Variants in DKC1 observed in about 807,000 individuals in gnomAD.
DKC1 encodes dyskerin pseudouridine synthase 1.
A neutral mutation model predicts 46.7 loss-of-function variants in DKC1; 4 were observed. That is an observed-to-expected ratio of 0.09 (90% CI 0.04 to 0.20). The LOEUF (loss-of-function observed/expected upper bound fraction) is 0.20, where lower values mean the gene tolerates loss of function less well. Among genes scored for constraint, DKC1 ranks in the 10% least tolerant of loss-of-function variants. The probability of loss-of-function intolerance (pLI) is 1.00; values close to 1 mark genes in which losing one functional copy is unlikely to be tolerated. For synonymous variants in DKC1, 141 were observed against 142.4 expected (o/e 0.99, Z 0.07); for missense variants, 171 against 404.2 (o/e 0.42, Z 4.95).
At chrX:154,763,195 G>C (rs1249467167) in intron 1 of DKC1, among the ~76,000 whole-genome samples, 1 of 112,044 alleles carries the variant, frequency 8.9e-6, no homozygotes, top group East Asian at 2.8e-4. Context: ...TGGCATGATG[G>C]GGCTCGGCCC....
chrX:154,768,443 C>G lies in DKC1; in HGVS notation c.771+11C>G. On this transcript the variant is annotated intron_variant, in intron 8 of 14. Transcript: ENST00000369550. ...GTCATGAGTGAAAAGGTATGTGTTACGGGGCTAGAAGTTTTAGAGCTGGTT... is the reference window on the plus strand; with the variant it reads ...GTCATGAGTGAAAAGGTATGTGTTAGGGGGCTAGAAGTTTTAGAGCTGGTT... 8.3e-7 allele frequency: 1 copy of G among 1,210,802 alleles called. No homozygotes were observed. Among genetic ancestry groups the G allele is most frequent in the Non-Finnish European group, 1.1e-6 (1 of 895,139 alleles).
chrX:154,768,194 T>C (rs1257080296), intron 7 of DKC1, 108 bp from the exon 8 acceptor site: 2 of 969,342 alleles, frequency 2.1e-6, no homozygotes, highest in African/African-American at 3.8e-5. Flanking sequence ...TTAAGAAGTG[T>C]GTCTGTCACC....
chrX:154,773,883 C>T (rs2071859044), intron 11 of DKC1, among the ~76,000 whole-genome samples: 1 of 111,782 alleles, frequency 8.9e-6, no homozygotes, highest in African/African-American at 3.3e-5. Context: ...GGCGGCCGGG[C>T]AGAGGCGCCC....
chrX:154,773,550 T>G (rs1462265671), intron 11 of DKC1, among the ~76,000 whole-genome samples: 2 of 108,927 alleles, frequency 1.8e-5, no homozygotes, highest in Non-Finnish European at 3.8e-5. Context: ...AAGCACATCT[T>G]GCACCGCCCT....
chrX:154,762,953 G>A lies in DKC1; in HGVS notation c.-13G>A. On this transcript the variant is annotated 5_prime_UTR_variant, in exon 1 of 15. Coordinates refer to ENST00000369550, the MANE Select transcript of DKC1 (RefSeq NM_001363.5). Reference sequence around the variant, plus strand: ...GCTGTGGACCGGGCGGCACGCACGCGGTGCAGGGTAACATGGCGGATGCGG... The same window carrying A: ...GCTGTGGACCGGGCGGCACGCACGCAGTGCAGGGTAACATGGCGGATGCGG... The A allele has an allele frequency of 1.7e-6, 2 of 1,182,073 alleles. No homozygotes were observed. Among genetic ancestry groups the A allele is most frequent in the East Asian group, 3.1e-5 (1 of 32,086 alleles).
At chrX:154,768,026 A>G (rs935712078) in intron 7 of DKC1, 1 of 296,938 alleles carries the variant, frequency 3.4e-6, no homozygotes, top group Non-Finnish European at 6.1e-6. Flanking sequence ...AATTTTTTGT[A>G]CATTTAGTAG....
intron 9 of DKC1, among the ~76,000 whole-genome samples, chrX:154,769,581 CAGG>C (rs2071795510): frequency 9.0e-6 from 1 of 111,426 alleles, no homozygotes; most frequent in Admixed American, 9.5e-5. Flanking sequence ...AGCTTGAGCC[CAGG>C]AGATCAAGGC....
At chrX:154,771,216 G>T (rs1250038411) in intron 10 of DKC1, among the ~76,000 whole-genome samples, 4 of 76,356 alleles carry the variant, frequency 5.2e-5, no homozygotes, top group African/African-American at 2.2e-4. Flanking sequence ...TTTTGAGACA[G>T]TCTTGCTCTT....
In DKC1 at chrX:154,769,279, C is replaced by T. The variant is rs2071791712; in HGVS notation, c.884C>T (p.Ser295Phe). 1 of 1,211,688 alleles carries T rather than the reference C, an allele frequency of 8.3e-7. No individual in the cohort carries two copies. Among genetic ancestry groups the T allele is most frequent in the African/African-American group, 1.7e-5 (1 of 57,801 alleles). The change falls in exon 9 of 15, where the codon TCT (serine) becomes TTT (phenylalanine). Residue 295 changes from serine (S) to phenylalanine (F), a missense_variant. Around this residue, in one of 4 missense-constraint regions of DKC1, gnomAD observed 60 missense variants for 206.5 expected, o/e 0.29. Transcript: ENST00000369550. ...VVYPLEKLLT[S>F]HKRLVMKDSA... is the part of the protein sequence containing the mutation. ...TACCCTTTGGAAAAGCTGTTGACATCTCATAAACGGCTGGTTATGAAAGAC... is the reference window on the plus strand; with the variant it reads ...TACCCTTTGGAAAAGCTGTTGACATTTCATAAACGGCTGGTTATGAAAGAC...
intron 1 of DKC1, among the ~76,000 whole-genome samples, chrX:154,764,545 C>A (rs2071722513): frequency 9.0e-6 from 1 of 111,523 alleles, no homozygotes; most frequent in African/African-American, 3.2e-5. Context: ...TAAATATTTT[C>A]TCTGCTTATC....
chrX:154,773,762 T>C (rs1228296946), intron 11 of DKC1, among the ~76,000 whole-genome samples: 3 of 112,502 alleles, frequency 2.7e-5, no homozygotes, highest in African/African-American at 9.7e-5. Context: ...TTCCCGCCTT[T>C]CTATTCCACA....
chrX:154,763,819 G>T (rs782239156), intron 1 of DKC1, among the ~76,000 whole-genome samples: 137 of 111,766 alleles, frequency 1.2e-3, no homozygotes, highest in African/African-American at 4.4e-3. Context: ...AGGCAGTTGG[G>T]ACACAGCGTC....
Position 154,764,961 on chromosome X carries a change from G to A in DKC1, c.79G>A (p.Val27Ile). The stretch of plus-strand genomic sequence containing the variant: ...GCGGAAGTCATTGCCAGAAGAAGAT[G>A]TAGCCGTGAGTAGTAATGTGTTTGA... The part of the protein sequence containing the change: ...KERKSLPEED[V>I]AEIQHAEEFL... Residue 27 changes from valine (V) to isoleucine (I), a missense_variant, in exon 2 of 15, where the codon GTA becomes ATA. By Grantham distance (29) the Val-to-Ile change is conservative. Around this residue, in one of 4 missense-constraint regions of DKC1, gnomAD observed 41 missense variants for 117.3 expected, o/e 0.35. Transcript: ENST00000369550. 2 of 1,192,453 alleles carry A rather than the reference G, an allele frequency of 1.7e-6. No individual in the cohort carries two copies. The highest frequency in any genetic ancestry group is 2.3e-6 in the Non-Finnish European group (2 of 877,808).
intron 9 of DKC1, 71 bp from the exon 10 acceptor site, chrX:154,770,688 C>T: frequency 8.4e-7 from 1 of 1,194,740 alleles, no homozygotes; most frequent in Non-Finnish European, 1.1e-6. Flanking sequence ...TTGTTGTCCT[C>T]CTTTACTCTG....
At chrX:154,770,669 C>T in intron 9 of DKC1, 90 bp from the exon 10 acceptor site, 1 of 1,145,395 alleles carries the variant, frequency 8.7e-7, no homozygotes, top group Non-Finnish European at 1.2e-6. Context: ...GGTGTCAGGC[C>T]CCACTCCCTT....
At chrX:154,775,394 C>T in intron 13 of DKC1, 121 bp downstream of exon 13, 1 of 696,431 alleles carries the variant, frequency 1.4e-6, no homozygotes, top group Admixed American at 2.5e-5. Flanking sequence ...ATCAGAGGTG[C>T]AGCGCATACA....
intron 9 of DKC1, among the ~76,000 whole-genome samples, chrX:154,770,192 C>G (rs782016231): frequency 9.0e-6 from 1 of 111,090 alleles, no homozygotes; most frequent in Non-Finnish European, 1.9e-5. Flanking sequence ...ATATGGACCA[C>G]GTGCGGTGGC....
chrX:154,764,183 A>C (rs1227856354), intron 1 of DKC1, among the ~76,000 whole-genome samples: 7 of 107,331 alleles, frequency 6.5e-5, no homozygotes, highest in Non-Finnish European at 1.3e-4. Flanking sequence ...ATATATATAT[A>C]AATATGTGTG....
In DKC1 at chrX:154,762,867, TG is replaced by T. The variant is rs1198615861; in HGVS notation, c.-96del. 7 of 1,051,365 alleles carry T rather than the reference TG, an allele frequency of 6.7e-6. No homozygotes were observed. The African/African-American group carries it at 1.3e-4, about 20-fold the overall frequency. 86.6% of individuals were successfully genotyped at this position (1,051,365 alleles called of 1,213,427 possible). On this transcript the variant is annotated 5_prime_UTR_variant, in exon 1 of 15. Transcript: ENST00000369550. ...ACGCACAGGGCAGTGCGCGGGTGGG[TG>T]GGTCCTAGCAGCGCGGCCTGACGGG...
Sources: allele counts gnomAD v4.1 joint callset (sites outside exome capture counted in the v4.1 genomes callset), GRCh38; gene constraint gnomAD v4.1.1; regional missense constraint gnomAD v4.1.1; transcripts MANE v1.5; gene names NCBI Gene and HGNC (gene_info 2026-07-23, HGNC 2026-07-21).